The following HMCN1 variants were observed in gnomAD, a reference collection of about 807,000 sequenced individuals.
HMCN1 encodes hemicentin-1.
Under a neutral mutation model 625.9 loss-of-function variants are expected in HMCN1, and 321 were observed. The ratio of observed to expected loss-of-function variants is 0.51; its 90% confidence interval spans 0.47 to 0.56. The LOEUF is 0.56. Among genes scored for constraint, HMCN1 ranks in the 20% least tolerant of loss-of-function variants. The probability of loss-of-function intolerance (pLI) is 0.00; values close to 1 mark genes in which losing one functional copy is unlikely to be tolerated. For missense variants in HMCN1, 6,588 were observed against 6,887.3 expected, an observed-to-expected ratio of 0.96 and a Z score of 1.54; for synonymous variants, 2,425 against 2,417.6, an observed-to-expected ratio of 1.00 and a Z score of -0.09.
chr1:186,153,733 C>T lies in HMCN1; in HGVS notation c.15019-17C>T. The T allele has an allele frequency of 1.2e-6, 2 of 1,604,746 alleles. No homozygotes were observed. The highest frequency in any genetic ancestry group is 8.5e-7 in the Non-Finnish European group (1 of 1,171,584). ...TATGAGCCATATTGATCTTCAAATC[C>T]ACATTGTTCTCCTTAGGATTACACA... On this transcript the variant is annotated splice_polypyrimidine_tract_variant and intron_variant, in intron 96 of 106. Transcript: ENST00000271588.
At chr1:186,057,031 TCA>T (rs59926356) in intron 45 of HMCN1, among the ~76,000 whole-genome samples, 60,733 of 147,736 alleles carry the variant, frequency 0.41, 12,179 homozygotes, top group East Asian at 0.48. Flanking sequence ...TCCAGGAATG[TCA>T]CACACACACA....
At chr1:185,984,394 C>A in intron 19 of HMCN1, 81 bp downstream of exon 19, 2 of 1,289,238 alleles carry the variant, frequency 1.6e-6, no homozygotes, top group South Asian at 1.2e-5. Flanking sequence ...TAACTCTGTT[C>A]CTCTAATTAC....
At chr1:186,030,319 A>G (rs1156593774) in intron 36 of HMCN1, among the ~76,000 whole-genome samples, 1 of 151,728 alleles carries the variant, frequency 6.6e-6, no homozygotes, top group Non-Finnish European at 1.5e-5. Context: ...TTTATTGTCT[A>G]TTTCTCCCTT....
chr1:185,881,111 G>A (rs1664281026), intron 4 of HMCN1, among the ~76,000 whole-genome samples: 1 of 152,218 alleles, frequency 6.6e-6, no homozygotes, highest in Non-Finnish European at 1.5e-5. Flanking sequence ...AGCTCAGTGG[G>A]CCCTATGCCA....
rs1453521677 is a variant in HMCN1, at chr1:186,164,665, T to G, written c.15257-446T>G. Among the ~76,000 whole-genome samples, 5 of 152,280 alleles carry G rather than the reference T, an allele frequency of 3.3e-5. No individual in the cohort carries two copies. In the South Asian group the frequency reaches 8.3e-4, roughly 25 times the overall value. The stretch of plus-strand genomic sequence containing the variant: ...TGCTCAATAGTGCTAATGCGGGAGA[T>G]CCACAAAAGGAGGGAGCTTCTTCAC... On this transcript the variant is annotated intron_variant, in intron 97 of 106. Transcript: ENST00000271588.
intron 17 of HMCN1, among the ~76,000 whole-genome samples, chr1:185,981,585 C>T (rs977556480): frequency 7.9e-5 from 12 of 152,174 alleles, no homozygotes; most frequent in East Asian, 3.9e-4. Context: ...AATAGTACTA[C>T]GTTGCTTAAA....
intron 16 of HMCN1, among the ~76,000 whole-genome samples, chr1:185,980,528 A>T (rs1571655823): frequency 6.6e-6 from 1 of 152,136 alleles, no homozygotes; most frequent in Non-Finnish European, 1.5e-5. Context: ...TTACCCACTG[A>T]ATGCCAGCAG....
chr1:185,921,740 T>G (rs1667016783), intron 6 of HMCN1, among the ~76,000 whole-genome samples: 1 of 152,200 alleles, frequency 6.6e-6, no homozygotes, highest in African/African-American at 2.4e-5. Context: ...AATGGTGAAC[T>G]CTTGTTCATA....
rs1240144023 is a variant in HMCN1, at chr1:186,167,051, A to G, written c.15574+109A>G. 4.3e-5 allele frequency: 59 copies of G among 1,370,788 alleles called. 1 individual carries two copies. The South Asian group carries it at 5.7e-4, about 13-fold the overall frequency. The allele number at this position is 1,370,788 out of a possible 1,614,324, so 84.9% of individuals were successfully genotyped here. A position where few individuals can be genotyped will look rare whatever the true frequency, so the allele number is the denominator to read the frequency against. On this transcript the variant is annotated intron_variant, in intron 100 of 106. Transcript: ENST00000271588. ...AGAAACTCCACGAGGAAGGGACCAC[A>G]TAAAAGGGAGAGAATGAGGAGATAT...
chr1:186,050,621 T>C (rs568787507), intron 42 of HMCN1, among the ~76,000 whole-genome samples: 99 of 152,080 alleles, frequency 6.5e-4, no homozygotes, highest in Non-Finnish European at 1.1e-3. Context: ...AAAAGTCAAA[T>C]TAGTCATAAA....
chr1:185,961,493 T>C lies in HMCN1; in HGVS notation c.1829-1025T>C, dbSNP rs550677229. Among the ~76,000 whole-genome samples the C allele has an allele frequency of 5.3e-5, 8 of 152,342 alleles. No individual in the cohort carries two copies. In the South Asian group the frequency reaches 1.7e-3, roughly 32 times the overall value. On this transcript the variant is annotated intron_variant, in intron 11 of 106. Transcript: ENST00000271588. Reference sequence around the variant, plus strand: ...AGATGTCATTGAATGAATTTATTTATTTTTGTTAATACTCATGAAAGCTGT... The same window carrying C: ...AGATGTCATTGAATGAATTTATTTACTTTTGTTAATACTCATGAAAGCTGT...
At chr1:186,124,367 C>T (rs1661544856) in intron 81 of HMCN1, among the ~76,000 whole-genome samples, 1 of 151,770 alleles carries the variant, frequency 6.6e-6, no homozygotes, top group Non-Finnish European at 1.5e-5. Context: ...GTGCTCAAAG[C>T]TAAAATCAAT....
At chr1:185,824,985 A>T (rs899459447) in intron 1 of HMCN1, among the ~76,000 whole-genome samples, 8 of 152,188 alleles carry the variant, frequency 5.3e-5, no homozygotes, top group Non-Finnish European at 1.0e-4. Flanking sequence ...TCTAATGATT[A>T]CTATAATGGC....
chr1:186,145,669 G>T, intron 92 of HMCN1, 84 bp from the exon 93 acceptor site: 1 of 1,611,042 alleles, frequency 6.2e-7, no homozygotes, highest in Non-Finnish European at 8.5e-7. Context: ...AATGAAAGTT[G>T]TATAGGCAGG....
chr1:185,990,420 G>C lies in HMCN1; in HGVS notation c.3354G>C (p.Gln1118His). ...TAATTACTTGGGCCAAAGAAACCCAGCTCATCTCACCGTTCTCTCCAAGGT... is the reference window on the plus strand; with the variant it reads ...TAATTACTTGGGCCAAAGAAACCCACCTCATCTCACCGTTCTCTCCAAGGT... ...PPIITWAKETQLISPFSPRHT... is the reference protein window; with the variant it reads ...PPIITWAKETHLISPFSPRHT... Residue 1118 changes from glutamine to histidine, a missense_variant, in exon 22 of 107, where the codon CAG becomes CAC. Gln to His is a conservative substitution (Grantham distance 24). Transcript: ENST00000271588. 6.2e-7 allele frequency: 1 copy of C among 1,614,030 alleles called. No homozygotes were observed. The highest frequency in any genetic ancestry group is 1.1e-5 in the South Asian group (1 of 91,080).
chr1:185,779,103 TG>T (rs1433383065), intron 1 of HMCN1, among the ~76,000 whole-genome samples: 2 of 152,246 alleles, frequency 1.3e-5, no homozygotes, highest in African/African-American at 4.8e-5. Flanking sequence ...CCAGTGATGA[TG>T]AGCATTTTTT....
intron 25 of HMCN1, among the ~76,000 whole-genome samples, chr1:185,998,489 A>C (rs889293580): frequency 2.0e-5 from 3 of 152,160 alleles, no homozygotes; most frequent in Admixed American, 6.6e-5. Context: ...GTCACTGAGA[A>C]TTAGGGAGGT....
chr1:186,119,183 A>T lies in HMCN1; in HGVS notation c.11849-8A>T, dbSNP rs78780269. On this transcript the variant is annotated splice_region_variant and splice_polypyrimidine_tract_variant and intron_variant, in intron 77 of 106. Coordinates refer to ENST00000271588, the MANE Select transcript of HMCN1 (RefSeq NM_031935.3). ...AGTATATATTAAAACATTTTTTTTC[A>T]TTTTTAGGAGCAATTGAAATACTTG... The T allele has an allele frequency of 6.2e-7, 1 of 1,606,210 alleles. No homozygotes were observed. The highest frequency in any genetic ancestry group is 8.5e-7 in the Non-Finnish European group (1 of 1,173,278).
At chr1:186,040,986 G>A in intron 39 of HMCN1, 27 bp from the exon 40 acceptor site, 2 of 1,610,934 alleles carry the variant, frequency 1.2e-6, no homozygotes, top group South Asian at 2.2e-5. Flanking sequence ...AGACATATTG[G>A]TTATTTAGCG....
Sources: gnomAD v4.1 joint callset for allele counts (sites outside exome capture counted in the v4.1 genomes callset) on GRCh38, gnomAD v4.1.1 for gene constraint, MANE v1.5 for transcripts, NCBI Gene and HGNC (gene_info 2026-07-23, HGNC 2026-07-21) for gene names.